RUVBL2: variants seen among roughly 807,000 people sequenced by gnomAD.
RUVBL2 encodes the protein ruvB-like 2.
Under a neutral mutation model 57.9 loss-of-function variants are expected in RUVBL2, and 9 were observed. The observed-to-expected ratio is 0.16, with a 90% CI of 0.09 to 0.27. The LOEUF is 0.27. Ranked by LOEUF, RUVBL2 falls within the 10% of genes least tolerant of loss-of-function variation. RUVBL2 has a pLI of 1.00. For missense variants in RUVBL2, 456 were observed against 669.6 expected (o/e 0.68, Z 3.52); for synonymous variants, 278 against 264.6 (o/e 1.05, Z -0.49).
chr19:49,010,477 C>CCCCCCCCCCCCCCCCCCCCCCCCCCT lies in RUVBL2; in HGVS notation c.664-10_664-9insCCCCCCCCCCCCCCCCCCCCCCCCTC. 2 of 1,575,666 alleles carry CCCCCCCCCCCCCCCCCCCCCCCCCCT rather than the reference C, an allele frequency of 1.3e-6. No homozygotes were observed. The highest frequency in any genetic ancestry group is 1.7e-6 in the Non-Finnish European group (2 of 1,147,990). The stretch of plus-strand genomic sequence containing the variant: ...TGTCTCCGCCGTTCTTCCCCCACCC[C>CCCCCCCCCCCCCCCCCCCCCCCCCCT]CGCCCCATAGACCAAGTTCGTGCAG... On this transcript the variant is annotated splice_polypyrimidine_tract_variant and intron_variant, in intron 8 of 14. Coordinates refer to ENST00000595090, the MANE Select transcript of RUVBL2 (RefSeq NM_006666.3).
At position 49,015,647 on chromosome 19, in the gene RUVBL2, A is replaced by G; in HGVS notation, c.1327A>G (p.Met443Val). 2 of 1,614,142 alleles carry G rather than the reference A, an allele frequency of 1.2e-6. No individual in the cohort carries two copies. Among genetic ancestry groups the G allele is most frequent in the South Asian group, 1.1e-5 (1 of 91,086 alleles). Residue 443 changes from methionine (M) to valine (V), a missense_variant, in exon 14 of 15, where the codon ATG becomes GTG. Coordinates refer to ENST00000595090, the MANE Select transcript of RUVBL2 (RefSeq NM_006666.3). The stretch of plus-strand genomic sequence containing the variant: ...GGACGAGTCCCGCTCCACGCAGTAC[A>G]TGAAGGAGTACCAGGACGCCTTCCT... ...FLDESRSTQY[M>V]KEYQDAFLFN...
At chr19:48,993,473 A>G, upstream of RUVBL2, 1 of 425,500 alleles carries the variant, frequency 2.4e-6, no homozygotes, top group Non-Finnish European at 4.4e-6. Flanking sequence ...CTCGGCCGTG[A>G]GACCTCCAGG....
chr19:49,007,031 C>A lies in RUVBL2; in HGVS notation c.279C>A (p.Ala93=), dbSNP rs1254139494. The A allele has an allele frequency of 8.1e-6, 13 of 1,612,920 alleles. No individual in the cohort carries two copies. The highest frequency in any genetic ancestry group is 4.5e-5 in the East Asian group (2 of 44,900). ...CCTCCTTCCCAGGCATGGCGCAGGC[C>A]CTGGGCCCTGACACGCCATTCACAG... ...KTAIAMGMAQ[A]LGPDTPFTAI... Residue 93 remains alanine (A), a synonymous_variant, in exon 5 of 15, where the codon GCC becomes GCA. Transcript: ENST00000595090.
chr19:49,007,515 C>A, intron 6 of RUVBL2, 147 bp downstream of exon 6: 1 of 639,746 alleles, frequency 1.6e-6, no homozygotes, highest in Non-Finnish European at 2.6e-6. Flanking sequence ...AGTAGGAGGT[C>A]AGTTAACTTG....
intron 13 of RUVBL2, 130 bp from the exon 14 acceptor site, chr19:49,015,442 T>C: frequency 1.3e-6 from 1 of 797,944 alleles, no homozygotes; most frequent in Non-Finnish European, 2.1e-6. Flanking sequence ...ACCCAGGCAA[T>C]CTGGCCCAGA....
chr19:49,010,483 C>CCAACA lies in RUVBL2; in HGVS notation c.664-5_664-4insCAACA. On this transcript the variant is annotated splice_polypyrimidine_tract_variant and splice_region_variant and intron_variant, in intron 8 of 14. Transcript: ENST00000595090. ...CGCCGTTCTTCCCCCACCCCCGCCC[C>CCAACA]ATAGACCAAGTTCGTGCAGTGCCCA... 6.3e-7 allele frequency: 1 copy of CCAACA among 1,575,868 alleles called. No homozygotes were observed. The highest frequency in any genetic ancestry group is 8.7e-7 in the Non-Finnish European group (1 of 1,148,008).
chr19:49,004,983 A>C (rs919530724), intron 4 of RUVBL2, among the ~76,000 whole-genome samples: 1 of 152,000 alleles, frequency 6.6e-6, no homozygotes, highest in African/African-American at 2.4e-5. Context: ...AAAAAAAAAA[A>C]AACAGGAAAG....
At position 49,011,120 on chromosome 19, in the gene RUVBL2, G is replaced by C. The variant is rs773467649; in HGVS notation, c.882+27G>C. ...TGAGGACCCAGGACATGGCCGGGGC[G>C]GGTGGTGGGGTGGAGGTGGGCCGGG... On this transcript the variant is annotated intron_variant, in intron 10 of 14. Coordinates refer to ENST00000595090, the MANE Select transcript of RUVBL2 (RefSeq NM_006666.3). The surrounding 1 kb of genome is among the most constrained non-coding windows in gnomAD (Gnocchi z 4.4). 1.2e-6 allele frequency: 2 copies of C among 1,607,046 alleles called. No homozygotes were observed. Among genetic ancestry groups the C allele is most frequent in the Non-Finnish European group, 1.7e-6 (2 of 1,176,282 alleles).
chr19:49,006,126 G>A (rs151063416), intron 4 of RUVBL2, among the ~76,000 whole-genome samples: 3 of 152,242 alleles, frequency 2.0e-5, no homozygotes, highest in Non-Finnish European at 2.9e-5. Context: ...GGCATGGGCC[G>A]TGCTCGTCCA....
intron 3 of RUVBL2, among the ~76,000 whole-genome samples, chr19:49,003,650 G>A (rs1197033762): frequency 2.6e-5 from 4 of 152,014 alleles, no homozygotes; most frequent in Admixed American, 1.3e-4. Flanking sequence ...CGGGCATGGT[G>A]GTGCATGCCT....
chr19:48,995,286 G>A (rs1055107314), intron 1 of RUVBL2, among the ~76,000 whole-genome samples: 5 of 151,410 alleles, frequency 3.3e-5, no homozygotes, highest in Non-Finnish European at 7.4e-5. Context: ...TAAGGGGCCT[G>A]TTTATGTTGA....
At chr19:49,007,798 A>G (rs148018516) in intron 6 of RUVBL2, among the ~76,000 whole-genome samples, 3,524 of 151,926 alleles carry the variant, frequency 0.023, 119 homozygotes, top group African/African-American at 0.075. Flanking sequence ...TCTGCCTCCC[A>G]GGTTCAAGTG....
Position 49,011,128 on chromosome 19 carries a change from G to A in RUVBL2, c.882+35G>A. On this transcript the variant is annotated intron_variant, in intron 10 of 14. Transcript: ENST00000595090. This position sits in a 1 kb window ranked among gnomAD's most constrained non-coding sequence, Gnocchi z 4.4. ...CAGGACATGGCCGGGGCGGGTGGTG[G>A]GGTGGAGGTGGGCCGGGGAAGTGGG... 1 of 1,606,738 alleles carries A rather than the reference G, an allele frequency of 6.2e-7. No homozygotes were observed. Among genetic ancestry groups the A allele is most frequent in the Non-Finnish European group, 8.5e-7 (1 of 1,175,550 alleles).
In RUVBL2 at chr19:49,010,475, C is replaced by G; in HGVS notation, c.664-13C>G. On this transcript the variant is annotated splice_polypyrimidine_tract_variant and intron_variant, in intron 8 of 14. Coordinates refer to ENST00000595090, the MANE Select transcript of RUVBL2 (RefSeq NM_006666.3). The stretch of plus-strand genomic sequence containing the variant: ...CCTGTCTCCGCCGTTCTTCCCCCAC[C>G]CCCGCCCCATAGACCAAGTTCGTGC... The G allele has an allele frequency of 1.9e-6, 3 of 1,548,368 alleles. No homozygotes were observed. The South Asian group carries it at 3.4e-5, about 17-fold the overall frequency.
chr19:48,995,029 G>T (rs971129993), intron 1 of RUVBL2: 1 of 152,298 alleles, frequency 6.6e-6, no homozygotes, highest in Non-Finnish European at 1.5e-5. Context: ...GGGGGAGAAA[G>T]TTGTTGGTAG....
rs972017775 is a variant in RUVBL2, at chr19:49,007,252, C to G, written c.396-50C>G. ...CCAGAGCTCATGGAAGGTTGTGATT[C>G]CCGAGGGTCCAGGTGTCAGGCTGTC... On this transcript the variant is annotated intron_variant, in intron 5 of 14. Transcript: ENST00000595090. 3.1e-6 allele frequency: 5 copies of G among 1,607,360 alleles called. No homozygotes were observed. In the African/African-American group the frequency reaches 6.7e-5, roughly 21 times the overall value.
At chr19:49,013,722 G>C (rs896546920) in intron 11 of RUVBL2, among the ~76,000 whole-genome samples, 2 of 152,150 alleles carry the variant, frequency 1.3e-5, no homozygotes, top group African/African-American at 4.8e-5. Flanking sequence ...AGACCGTCCC[G>C]GCCAACATGG....
Position 49,011,334 on chromosome 19 carries a change from G to A in RUVBL2, c.1001+24G>A. The A allele has an allele frequency of 6.3e-7, 1 of 1,580,154 alleles. No homozygotes were observed. Among genetic ancestry groups the A allele is most frequent in the South Asian group, 1.1e-5 (1 of 90,402 alleles). On this transcript the variant is annotated intron_variant, in intron 11 of 14. Coordinates refer to ENST00000595090, the MANE Select transcript of RUVBL2 (RefSeq NM_006666.3). This position sits in a 1 kb window ranked among gnomAD's most constrained non-coding sequence, Gnocchi z 4.4. ...CGGTGAGCCGGCTACAGGGGCCTCT[G>A]GGGAAAACAGGATGCTCTGGGCAGT... is the stretch of plus-strand genomic sequence containing the variant.
chr19:48,999,081 T>C (rs1340818912), intron 1 of RUVBL2, among the ~76,000 whole-genome samples: 1 of 150,968 alleles, frequency 6.6e-6, no homozygotes, highest in East Asian at 1.9e-4. Context: ...TAACCAAATA[T>C]GTGCTGGACC....
Sources: gnomAD v4.1 joint callset for allele counts (sites outside exome capture counted in the v4.1 genomes callset) on GRCh38, gnomAD v4.1.1 for gene constraint, Gnocchi (gnomAD v3.1) non-coding constraint, MANE v1.5 for transcripts, NCBI Gene and HGNC (gene_info 2026-07-23, HGNC 2026-07-21) for gene names.